ZSWIM5: variants seen among roughly 807,000 people sequenced by gnomAD.
The protein encoded by ZSWIM5 is zinc finger SWIM-type containing 5, also known as zinc finger SWIM domain-containing protein 5.
In ZSWIM5, 55 loss-of-function variants were observed where a neutral mutation model predicts 119.6. The ratio of observed to expected loss-of-function variants is 0.46; its 90% CI spans 0.37 to 0.58. ZSWIM5 has a LOEUF of 0.58. Ranked by LOEUF, ZSWIM5 falls within the 20% of genes least tolerant of loss-of-function variation. The pLI, the probability that ZSWIM5 is intolerant of heterozygous loss-of-function variation, is 0.00. For synonymous variants in ZSWIM5, 537 were observed against 606.9 expected, an observed-to-expected ratio of 0.88 and a Z score of 1.69; for missense variants, 1,193 against 1,512.8, an observed-to-expected ratio of 0.79 and a Z score of 3.51.
At chr1:45,196,780 GT>G (rs1646128337) in intron 1 of ZSWIM5, among the ~76,000 whole-genome samples, 1 of 152,250 alleles carries the variant, frequency 6.6e-6, no homozygotes, top group African/African-American at 2.4e-5. Context: ...AATTTAATAA[GT>G]TTTGACAAAA....
chr1:45,020,086 A>G lies in ZSWIM5; in HGVS notation c.2675T>C (p.Val892Ala). 2 of 1,614,080 alleles carry G rather than the reference A, an allele frequency of 1.2e-6. No individual in the cohort carries two copies. Among genetic ancestry groups the G allele is most frequent in the Non-Finnish European group, 1.7e-6 (2 of 1,180,000 alleles). The change falls in exon 13 of 14, where the codon GTG becomes GCG. Residue 892 changes from valine to alanine, a missense_variant. Around this residue, in one of 2 missense-constraint regions of ZSWIM5, gnomAD observed 961 missense variants for 1,290.0 expected, o/e 0.74. Coordinates refer to ENST00000359600, the MANE Select transcript of ZSWIM5 (RefSeq NM_020883.2). Reference protein sequence around the residue: ...WRRREMVRWLVTCATEVGVRA... With the variant: ...WRRREMVRWLATCATEVGVRA... ...CTCACCCACTTCTGTAGCACAGGTC[A>G]CCAACCATCGTACCATCTCCCTGCG...
Position 45,042,565 on chromosome 1 carries a change from A to T in ZSWIM5, c.1609+654T>A, listed in dbSNP as rs72887094. 3.0e-3 allele frequency among the ~76,000 whole-genome samples: 464 copies of T among 152,258 alleles called. 1 individual carries two copies. Among genetic ancestry groups the T allele is most frequent in the African/African-American group, 0.01 (418 of 41,566 alleles). On this transcript the variant is annotated intron_variant, in intron 6 of 13. Transcript: ENST00000359600. ...ATGGTGTGAGAGATGGAGGCAGGGA[A>T]TTGGGAGAAGACAATGAAAATGTAT...
intron 1 of ZSWIM5, among the ~76,000 whole-genome samples, chr1:45,182,158 T>G (rs1325585833): frequency 2.6e-5 from 4 of 152,194 alleles, no homozygotes. Context: ...GGCTCACGCC[T>G]GTAATCCCAG....
chr1:45,063,942 A>G (rs1645167497), intron 2 of ZSWIM5, among the ~76,000 whole-genome samples: 1 of 151,792 alleles, frequency 6.6e-6, no homozygotes, highest in African/African-American at 2.4e-5. Flanking sequence ...AGATTGCGCC[A>G]CTGCACTCCA....
At position 45,179,733 on chromosome 1, in the gene ZSWIM5, C is replaced by T. The variant is rs936310814; in HGVS notation, c.595+26023G>A. Reference sequence around the variant, plus strand: ...TGATGGCATGGTAAACAGAATAATGCCCCTCACCAAATATGTCCACACCCT... The same window carrying T: ...TGATGGCATGGTAAACAGAATAATGTCCCTCACCAAATATGTCCACACCCT... On this transcript the variant is annotated intron_variant, in intron 1 of 13. Coordinates refer to ENST00000359600, the MANE Select transcript of ZSWIM5 (RefSeq NM_020883.2). 3.1e-4 allele frequency among the ~76,000 whole-genome samples: 47 copies of T among 152,100 alleles called. 2 individuals carry two copies. The highest frequency in any genetic ancestry group is 2.9e-3 in the Admixed American group (44 of 15,264).
intron 1 of ZSWIM5, among the ~76,000 whole-genome samples, chr1:45,172,213 T>G (rs907632426): frequency 3.3e-5 from 5 of 152,114 alleles, no homozygotes; most frequent in Non-Finnish European, 7.4e-5. Context: ...TGATTCTGGT[T>G]GGCGGCTTCC....
At chr1:45,046,469 G>A (rs1368224090) in intron 5 of ZSWIM5, among the ~76,000 whole-genome samples, 1 of 152,176 alleles carries the variant, frequency 6.6e-6, no homozygotes. Context: ...AGGTTTTTAA[G>A]AGAGTTGCCA....
At chr1:45,114,642 T>TC (rs1192490740) in intron 1 of ZSWIM5, among the ~76,000 whole-genome samples, 1 of 150,778 alleles carries the variant, frequency 6.6e-6, no homozygotes, top group Admixed American at 6.6e-5. Flanking sequence ...GTACTCTGTA[T>TC]CTTTTTTTTT....
chr1:45,059,838 T>C (rs1223579756), intron 3 of ZSWIM5, among the ~76,000 whole-genome samples: 4 of 152,128 alleles, frequency 2.6e-5, no homozygotes, highest in African/African-American at 9.7e-5. Context: ...GGGAAGGTAG[T>C]TTCCTTGCTA....
At chr1:45,162,482 G>A (rs1645869627) in intron 1 of ZSWIM5, among the ~76,000 whole-genome samples, 1 of 152,250 alleles carries the variant, frequency 6.6e-6, no homozygotes, top group South Asian at 2.1e-4. Context: ...GTCAGACAGT[G>A]GGTGCAGCCC....
Position 45,088,314 on chromosome 1 carries a change from A to T in ZSWIM5, c.596-77T>A, listed in dbSNP as rs1645344068. On this transcript the variant is annotated intron_variant, in intron 1 of 13. Coordinates refer to ENST00000359600, the MANE Select transcript of ZSWIM5 (RefSeq NM_020883.2). The surrounding 1 kb of genome is among the most constrained non-coding windows in gnomAD (Gnocchi z 4.2). Reference sequence around the variant, plus strand: ...AGATTCTCATTTTACATGTAAATTCATCAATTCATAAATTATGTATTGGGT... The same window carrying T: ...AGATTCTCATTTTACATGTAAATTCTTCAATTCATAAATTATGTATTGGGT... The T allele has an allele frequency of 9.3e-7, 1 of 1,078,868 alleles. No individual in the cohort carries two copies. The highest frequency in any genetic ancestry group is 1.3e-6 in the Non-Finnish European group (1 of 759,500). 66.8% of individuals were successfully genotyped at this position (1,078,868 alleles called of 1,614,324 possible).
chr1:45,025,116 T>C (rs187246665), intron 11 of ZSWIM5, among the ~76,000 whole-genome samples: 1 of 152,336 alleles, frequency 6.6e-6, no homozygotes, highest in Admixed American at 6.5e-5. Context: ...AATCTTTTGC[T>C]CCTTTCTCAG....
rs556388385 is a variant in ZSWIM5 at position 45,027,339 on chromosome 1, A to G, written c.2450-6551T>C. ...ACTGATTGTTATTTATTCTTTCTCT[A>G]TTTTACTAATGTGCAAACTTAGATG... On this transcript the variant is annotated intron_variant, in intron 11 of 13. Transcript: ENST00000359600. 3.4e-4 allele frequency among the ~76,000 whole-genome samples: 51 copies of G among 151,718 alleles called. 1 individual carries two copies. Among genetic ancestry groups the G allele is most frequent in the Admixed American group, 3.0e-3 (46 of 15,266 alleles).
chr1:45,070,027 C>A (rs982262791), intron 2 of ZSWIM5: 5 of 783,060 alleles, frequency 6.4e-6, no homozygotes, highest in African/African-American at 3.4e-5. Context: ...ACTTGAGTAG[C>A]TATGAAAAAC....
chr1:45,204,326 T>C (rs1481984087), intron 1 of ZSWIM5, among the ~76,000 whole-genome samples: 1 of 152,190 alleles, frequency 6.6e-6, no homozygotes, highest in Admixed American at 6.5e-5. Flanking sequence ...ATGATTGTAT[T>C]TATTTTCATG....
chr1:45,096,231 G>C (rs771666903), intron 1 of ZSWIM5, among the ~76,000 whole-genome samples: 26 of 152,064 alleles, frequency 1.7e-4, no homozygotes, highest in Admixed American at 8.5e-4. Flanking sequence ...CAGGTATAAA[G>C]AGAAGCAATA....
At chr1:45,167,660 C>A (rs936039878) in intron 1 of ZSWIM5, among the ~76,000 whole-genome samples, 62 of 152,128 alleles carry the variant, frequency 4.1e-4, no homozygotes, top group African/African-American at 1.5e-3. Context: ...AAAAAGTGGG[C>A]GAAGGATATG....
chr1:45,036,518 C>T (rs145950504), intron 8 of ZSWIM5, among the ~76,000 whole-genome samples: 9 of 151,998 alleles, frequency 5.9e-5, no homozygotes, highest in Non-Finnish European at 1.0e-4. Flanking sequence ...CAACACCTGT[C>T]GAATTTTTGT....
intron 11 of ZSWIM5, among the ~76,000 whole-genome samples, chr1:45,026,373 T>C (rs1644920858): frequency 6.6e-6 from 1 of 152,072 alleles, no homozygotes; most frequent in African/African-American, 2.4e-5. Context: ...CTTTATCAAG[T>C]TGAGGCAGTT....
Sources: gnomAD v4.1 joint callset for allele counts (sites outside exome capture counted in the v4.1 genomes callset) on GRCh38, gnomAD v4.1.1 for gene constraint, gnomAD v4.1.1 regional missense constraint, Gnocchi (gnomAD v3.1) non-coding constraint, MANE v1.5 for transcripts, NCBI Gene and HGNC (gene_info 2026-07-23, HGNC 2026-07-21) for gene names.